PPP3CB: variants seen among roughly 807,000 people sequenced by gnomAD.
PPP3CB encodes the protein serine/threonine-protein phosphatase 2B catalytic subunit beta isoform.
Under a neutral mutation model 66.4 loss-of-function variants are expected in PPP3CB, and 8 were observed. The ratio of observed to expected loss-of-function variants is 0.12; its 90% confidence interval spans 0.07 to 0.22. The LOEUF (loss-of-function observed/expected upper bound fraction) is 0.22. Among genes scored for constraint, PPP3CB ranks in the 10% least tolerant of loss-of-function variants. The pLI, the probability that PPP3CB is intolerant of heterozygous loss-of-function variation, is 1.00. For synonymous variants in PPP3CB, 208 were observed against 221.2 expected, an observed-to-expected ratio of 0.94 and a Z score of 0.53; for missense variants, 319 against 642.5, an observed-to-expected ratio of 0.50 and a Z score of 5.44.
chr10:73,450,525 C>G (rs2056327485), intron 10 of PPP3CB, among the ~76,000 whole-genome samples: 1 of 152,174 alleles, frequency 6.6e-6, no homozygotes, highest in South Asian at 2.1e-4. Flanking sequence ...ATGCAAACTC[C>G]CAGACTCATA....
rs548052926 is a variant in PPP3CB at position 73,466,124 on chromosome 10, T to C, written c.1108+1429A>G. The stretch of plus-strand genomic sequence containing the variant: ...TGTAAGGGATCCACAGAATTCATCT[T>C]AAATTATCTCATCTCTCAAAAGGAG... On this transcript the variant is annotated intron_variant, in intron 9 of 13. Transcript: ENST00000360663. Among the ~76,000 whole-genome samples the C allele has an allele frequency of 7.9e-5, 12 of 152,312 alleles. No individual in the cohort carries two copies. The East Asian group carries it at 2.3e-3, about 29-fold the overall frequency.
At chr10:73,490,559 A>C (rs2057055746) in intron 1 of PPP3CB, among the ~76,000 whole-genome samples, 2 of 152,238 alleles carry the variant, frequency 1.3e-5, no homozygotes. Flanking sequence ...AAATGAGGTC[A>C]TATGATTGGC....
chr10:73,454,339 G>A, intron 10 of PPP3CB, 73 bp downstream of exon 10: 2 of 1,122,010 alleles, frequency 1.8e-6, no homozygotes, highest in Admixed American at 2.2e-5. Context: ...GCAAAATAGT[G>A]TGTACTGAGG....
chr10:73,443,936 G>A (rs2056204635), intron 12 of PPP3CB: 1 of 152,216 alleles, frequency 6.6e-6, no homozygotes, highest in Admixed American at 6.5e-5. Context: ...AATGCACAAA[G>A]TGCAGCAACA....
chr10:73,485,905 TAA>T (rs2056964065), intron 1 of PPP3CB, among the ~76,000 whole-genome samples: 2 of 145,126 alleles, frequency 1.4e-5, no homozygotes, highest in Non-Finnish European at 3.0e-5. Flanking sequence ...CACACCTGGC[TAA>T]TTGTGTGTGT....
At chr10:73,456,090 A>C (rs1255029458) in intron 9 of PPP3CB, among the ~76,000 whole-genome samples, 3 of 152,258 alleles carry the variant, frequency 2.0e-5, no homozygotes, top group Admixed American at 2.0e-4. Context: ...ATTGAATATT[A>C]GCACCTAGAT....
intron 10 of PPP3CB, among the ~76,000 whole-genome samples, chr10:73,447,324 G>A (rs1271353814): frequency 6.6e-6 from 1 of 152,188 alleles, no homozygotes; most frequent in Non-Finnish European, 1.5e-5. Flanking sequence ...AACTGATGTA[G>A]AAGAGAATAA....
intron 10 of PPP3CB, among the ~76,000 whole-genome samples, chr10:73,447,656 C>T (rs1362183802): frequency 1.3e-5 from 2 of 151,920 alleles, no homozygotes; most frequent in African/African-American, 4.8e-5. Context: ...TCCACAATTA[C>T]ATATAATTAA....
chr10:73,485,348 G>T (rs946607477), intron 1 of PPP3CB, among the ~76,000 whole-genome samples: 1 of 152,162 alleles, frequency 6.6e-6, no homozygotes, highest in Admixed American at 6.5e-5. Flanking sequence ...GGGGGTGGTG[G>T]TACAGAGATC....
chr10:73,485,909 T>A (rs1038124387), intron 1 of PPP3CB, among the ~76,000 whole-genome samples: 4 of 57,184 alleles, frequency 7.0e-5, no homozygotes, highest in African/African-American at 4.3e-4. Flanking sequence ...CCTGGCTAAT[T>A]GTGTGTGTGT....
At chr10:73,477,041 T>C (rs997705978) in intron 3 of PPP3CB, 7 of 425,378 alleles carry the variant, frequency 1.6e-5, no homozygotes, top group Non-Finnish European at 1.4e-5. Context: ...TAAAAGCATA[T>C]GCTGGGAGTC....
At chr10:73,486,329 G>A (rs1211114949) in intron 1 of PPP3CB, among the ~76,000 whole-genome samples, 3 of 142,602 alleles carry the variant, frequency 2.1e-5, no homozygotes, top group Non-Finnish European at 3.0e-5. Flanking sequence ...TTCTGAGACG[G>A]AGTTTTGCTC....
chr10:73,470,805 G>T, intron 7 of PPP3CB, 24 bp from the exon 8 acceptor site: 1 of 1,580,628 alleles, frequency 6.3e-7, no homozygotes, highest in Non-Finnish European at 8.7e-7. Flanking sequence ...AGCTTAATAT[G>T]CATCGTAAAG....
chr10:73,493,445 C>A (rs1175125907), intron 1 of PPP3CB, among the ~76,000 whole-genome samples: 2 of 152,160 alleles, frequency 1.3e-5, no homozygotes, highest in East Asian at 1.9e-4. Flanking sequence ...GAACTCACAT[C>A]ATTTATCATC....
chr10:73,452,370 A>T (rs935669716), intron 10 of PPP3CB, among the ~76,000 whole-genome samples: 3 of 152,122 alleles, frequency 2.0e-5, no homozygotes, highest in Admixed American at 6.5e-5. Flanking sequence ...TAAAACAGTG[A>T]CAGCAGAACA....
intron 1 of PPP3CB, among the ~76,000 whole-genome samples, chr10:73,487,592 G>GA (rs2057003441): frequency 1.4e-5 from 2 of 143,712 alleles, no homozygotes; most frequent in African/African-American, 2.7e-5. Flanking sequence ...AAACAAACAG[G>GA]AAAAACATAG....
chr10:73,454,396 A>G lies in PPP3CB; in HGVS notation c.1186+16T>C. 6.3e-7 allele frequency: 1 copy of G among 1,584,610 alleles called. No individual in the cohort carries two copies. The highest frequency in any genetic ancestry group is 8.6e-7 in the Non-Finnish European group (1 of 1,157,602). On this transcript the variant is annotated intron_variant, in intron 10 of 13. Coordinates refer to ENST00000360663, the MANE Select transcript of PPP3CB (RefSeq NM_021132.4). Reference sequence around the variant, plus strand: ...TTTCACAGTAAAAAAAAAAATAGTAAGATGAATAATCATACCATCAAACTG... The same window carrying G: ...TTTCACAGTAAAAAAAAAAATAGTAGGATGAATAATCATACCATCAAACTG...
chr10:73,466,616 C>A (rs80219722), intron 9 of PPP3CB, among the ~76,000 whole-genome samples: 108 of 152,312 alleles, frequency 7.1e-4, no homozygotes, highest in Middle Eastern at 3.4e-3. Context: ...AACATTGGAC[C>A]TACTGAGTAA....
At chr10:73,457,321 T>C (rs1347532658) in intron 9 of PPP3CB, among the ~76,000 whole-genome samples, 2 of 134,614 alleles carry the variant, frequency 1.5e-5, no homozygotes, top group Non-Finnish European at 3.2e-5. Flanking sequence ...CCTGTAGTCC[T>C]ACCTACTTGG....
Sources: allele counts gnomAD v4.1 joint callset (sites outside exome capture counted in the v4.1 genomes callset), GRCh38; gene constraint gnomAD v4.1.1; transcripts MANE v1.5; gene names NCBI Gene and HGNC (gene_info 2026-07-23, HGNC 2026-07-21).